Variants in THOC7 observed in about 807,000 individuals in gnomAD.
THOC7 encodes the protein THO complex subunit 7.
A neutral mutation model predicts 33.1 loss-of-function variants in THOC7; 22 were observed. The ratio of observed to expected loss-of-function variants is 0.66; its 90% confidence interval spans 0.47 to 0.95. The LOEUF (loss-of-function observed/expected upper bound fraction) is 0.95. Ranked by LOEUF, THOC7 falls within the 40% of genes least tolerant of loss-of-function variation. The pLI is 0.00. For synonymous variants in THOC7, 77 were observed against 76.8 expected (o/e 1.00, Z -0.01); for missense variants, 184 against 245.3 (o/e 0.75, Z 1.67).
chr3:63,862,456 T>C (rs1702243763), intron 1 of THOC7, among the ~76,000 whole-genome samples: 1 of 152,214 alleles, frequency 6.6e-6, no homozygotes, highest in African/African-American at 2.4e-5. Context: ...GACCAAAATT[T>C]TGGAGAGGGA....
chr3:63,840,486 G>A (rs1369840904), intron 1 of THOC7, among the ~76,000 whole-genome samples: 2 of 152,144 alleles, frequency 1.3e-5, no homozygotes, highest in East Asian at 3.9e-4. Context: ...AGTAACTTGG[G>A]AGGCTGAGGT....
At chr3:63,851,757 C>T (rs995698419) in intron 1 of THOC7, among the ~76,000 whole-genome samples, 2 of 152,224 alleles carry the variant, frequency 1.3e-5, no homozygotes, top group Non-Finnish European at 1.5e-5. Context: ...TGTGCTTCTA[C>T]GTTCTTTAGC....
chr3:63,864,248 A>C (rs893459121), upstream of THOC7, among the ~76,000 whole-genome samples: 11 of 147,314 alleles, frequency 7.5e-5, no homozygotes, highest in African/African-American at 2.7e-4. Flanking sequence ...TTCCCCGGGA[A>C]GGTGACTGCG....
At chr3:63,861,424 A>AG (rs1702209390) in intron 1 of THOC7, 1 of 152,234 alleles carries the variant, frequency 6.6e-6, no homozygotes, top group Non-Finnish European at 1.5e-5. Flanking sequence ...CAATACCTGA[A>AG]GTCCTGACAT....
chr3:63,850,059 G>A (rs1175250458), intron 1 of THOC7, among the ~76,000 whole-genome samples: 1 of 151,992 alleles, frequency 6.6e-6, no homozygotes, highest in East Asian at 1.9e-4. Context: ...CAAGACCATT[G>A]GAATAAGACT....
chr3:63,860,441 GC>G (rs1702187139), intron 1 of THOC7, among the ~76,000 whole-genome samples: 1 of 152,144 alleles, frequency 6.6e-6, no homozygotes, highest in Admixed American at 6.6e-5. Flanking sequence ...GATCTTCAGT[GC>G]TGAAAAGAGG....
intron 1 of THOC7, among the ~76,000 whole-genome samples, chr3:63,850,718 C>G (rs921267682): frequency 6.6e-6 from 1 of 151,324 alleles, no homozygotes; most frequent in African/African-American, 2.4e-5. Context: ...TCTCTAGTAG[C>G]TGGGATTACA....
intron 1 of THOC7, among the ~76,000 whole-genome samples, chr3:63,856,878 C>T (rs1702125470): frequency 6.6e-6 from 1 of 152,266 alleles, no homozygotes; most frequent in African/African-American, 2.4e-5. Flanking sequence ...CTACCACGCC[C>T]AGCTAATTCT....
At chr3:63,855,127 T>C (rs1702091250) in intron 1 of THOC7, among the ~76,000 whole-genome samples, 1 of 152,160 alleles carries the variant, frequency 6.6e-6, no homozygotes, top group Non-Finnish European at 1.5e-5. Context: ...GAGATACATA[T>C]TTGCTCATCA....
intron 7 of THOC7, 40 bp downstream of exon 7, chr3:63,835,114 A>G: frequency 6.3e-7 from 1 of 1,598,594 alleles, no homozygotes; most frequent in Non-Finnish European, 8.6e-7. Context: ...TCATTTAAAA[A>G]ATCTTCATAA....
upstream of THOC7, among the ~76,000 whole-genome samples, chr3:63,864,200 G>T (rs1261934723): frequency 2.7e-5 from 4 of 149,702 alleles, no homozygotes; most frequent in African/African-American, 7.3e-5. Flanking sequence ...GGGGTGCGGC[G>T]GGAGCTGCGG....
At chr3:63,840,272 G>T (rs1416287181) in intron 1 of THOC7, among the ~76,000 whole-genome samples, 1 of 152,036 alleles carries the variant, frequency 6.6e-6, no homozygotes, top group Non-Finnish European at 1.5e-5. Flanking sequence ...AGATGTAGTG[G>T]CAAACTAGGA....
At chr3:63,846,225 A>G in intron 1 of THOC7, 2 of 451,668 alleles carry the variant, frequency 4.4e-6, no homozygotes, top group Non-Finnish European at 8.9e-6. Flanking sequence ...TCCCTGAAAA[A>G]AGCAGTTAAA....
chr3:63,853,157 G>GAAAAAAAA (rs1195911287), intron 1 of THOC7, among the ~76,000 whole-genome samples: 3 of 73,538 alleles, frequency 4.1e-5, no homozygotes, highest in Admixed American at 1.6e-4. Flanking sequence ...TCTCAAAAAA[G>GAAAAAAAA]AAAAAAAAAA....
At chr3:63,835,115 A>G in intron 7 of THOC7, 39 bp downstream of exon 7, 5 of 1,599,396 alleles carry the variant, frequency 3.1e-6, no homozygotes, top group Non-Finnish European at 3.4e-6. Context: ...CATTTAAAAA[A>G]TCTTCATAAG....
intron 1 of THOC7, among the ~76,000 whole-genome samples, chr3:63,852,624 T>C (rs1273716410): frequency 6.6e-6 from 1 of 152,012 alleles, no homozygotes; most frequent in Non-Finnish European, 1.5e-5. Context: ...CCCAAAGATA[T>C]ACAAGCAGTT....
chr3:63,841,863 G>A (rs963621606), intron 1 of THOC7, among the ~76,000 whole-genome samples: 2 of 152,130 alleles, frequency 1.3e-5, no homozygotes, highest in African/African-American at 4.8e-5. Flanking sequence ...GAATCTGGTG[G>A]CACTGATGGT....
intron 2 of THOC7, among the ~76,000 whole-genome samples, chr3:63,839,270 C>T (rs1701704645): frequency 6.6e-6 from 1 of 152,126 alleles, no homozygotes; most frequent in Admixed American, 6.6e-5. Context: ...CCATTTCTGC[C>T]ATTAAAGTTA....
intron 4 of THOC7, 100 bp downstream of exon 4, chr3:63,837,876 T>C: frequency 9.9e-7 from 1 of 1,010,794 alleles, no homozygotes; most frequent in South Asian, 1.8e-5. Context: ...TTAATCCAGG[T>C]TGATTCAGGC....
Sources: gnomAD v4.1 joint callset for allele counts (sites outside exome capture counted in the v4.1 genomes callset) on GRCh38, gnomAD v4.1.1 for gene constraint, MANE v1.5 for transcripts, NCBI Gene and HGNC (gene_info 2026-07-23, HGNC 2026-07-21) for gene names.